The following SMLR1 variants were observed in gnomAD, a reference collection of about 807,000 sequenced individuals.
The protein encoded by SMLR1 is small leucine rich protein 1, also known as small leucine-rich protein 1.
In SMLR1, 3 loss-of-function variants were observed where a neutral mutation model predicts 6.1. The observed-to-expected ratio is 0.49, with a 90% CI of 0.22 to 1.28. The LOEUF is 1.28. SMLR1 is among the 50% of genes most tolerant of loss of function. SMLR1 has a pLI of 0.19. For missense variants in SMLR1, 126 were observed against 124.8 expected (o/e 1.01, Z -0.05); for synonymous variants, 55 against 53.6 (o/e 1.03, Z -0.11).
chr6:130,828,791 A>G (rs747860934), intron 1 of SMLR1, among the ~76,000 whole-genome samples: 7 of 152,098 alleles, frequency 4.6e-5, no homozygotes, highest in Admixed American at 6.6e-5. Context: ...CTCACTCTAT[A>G]ATATTCATGT....
At chr6:130,828,860 T>C (rs891895131) in intron 1 of SMLR1, among the ~76,000 whole-genome samples, 3 of 152,218 alleles carry the variant, frequency 2.0e-5, no homozygotes, top group African/African-American at 2.4e-5. Flanking sequence ...ACCAGTCTGT[T>C]GGATGCTCTT....
intron 1 of SMLR1, among the ~76,000 whole-genome samples, chr6:130,828,868 CTT>C (rs1316451307): frequency 2.0e-5 from 3 of 152,196 alleles, no homozygotes; most frequent in African/African-American, 7.2e-5. Context: ...GTTGGATGCT[CTT>C]GTCACCCAGC....
intron 1 of SMLR1, among the ~76,000 whole-genome samples, chr6:130,828,898 C>A (rs1774358469): frequency 6.6e-6 from 1 of 152,178 alleles, no homozygotes; most frequent in Non-Finnish European, 1.5e-5. Context: ...TACCACTGAA[C>A]CCCGGAAGTA....
At chr6:130,828,483 C>T (rs539457069) in intron 1 of SMLR1, among the ~76,000 whole-genome samples, 1 of 152,296 alleles carries the variant, frequency 6.6e-6, no homozygotes, top group South Asian at 2.1e-4. Context: ...AAAAACCCTC[C>T]TCTTTGAACA....
chr6:130,827,961 T>C (rs1774331219), intron 1 of SMLR1, among the ~76,000 whole-genome samples: 1 of 152,144 alleles, frequency 6.6e-6, no homozygotes, highest in South Asian at 2.1e-4. Context: ...CTCAAGGCAA[T>C]AGAGTCACAT....
In SMLR1 at chr6:130,836,533, T is replaced by G. The variant is rs1774668581; in HGVS notation, c.*1578T>G. 1 of 152,164 alleles carries G rather than the reference T, an allele frequency of 6.6e-6. No individual in the cohort carries two copies. The allele number at this position is 152,164 out of a possible 1,614,324, so 9.4% of individuals were successfully genotyped here. ...GGTGCTGGTCCACCATCTCAGCTATTGTGATAACACATGAGCTCTATATAG... is the reference window on the plus strand; with the variant it reads ...GGTGCTGGTCCACCATCTCAGCTATGGTGATAACACATGAGCTCTATATAG... On this transcript the variant is annotated 3_prime_UTR_variant, in exon 2 of 2. Transcript: ENST00000541421.
intron 1 of SMLR1, among the ~76,000 whole-genome samples, chr6:130,833,857 G>A (rs1279103910): frequency 2.0e-5 from 3 of 152,054 alleles, no homozygotes; most frequent in Non-Finnish European, 4.4e-5. Context: ...GCCTGGTCAG[G>A]GAAAGTGCAT....
At chr6:130,831,804 C>CCTGTCTCATACAGCTGGGT (rs1774458010) in intron 1 of SMLR1, among the ~76,000 whole-genome samples, 1 of 152,170 alleles carries the variant, frequency 6.6e-6, no homozygotes, top group Non-Finnish European at 1.5e-5. Flanking sequence ...AACCAGCTTG[C>CCTGTCTCATACAGCTGGGT]CTGTCTCATA....
chr6:130,833,439 TA>T (rs1774532450), intron 1 of SMLR1, among the ~76,000 whole-genome samples: 1 of 152,182 alleles, frequency 6.6e-6, no homozygotes, highest in African/African-American at 2.4e-5. Context: ...AAAGTACTCA[TA>T]TTTCAGTGAG....
chr6:130,827,694 C>T lies in SMLR1; in HGVS notation c.238+43C>T, dbSNP rs915950476. ...CAAGGAAGAACTTGGGCATCCTTTC[C>T]CACAGCACATCTTGAAATATACCGA... On this transcript the variant is annotated intron_variant, in intron 1 of 1. Transcript: ENST00000541421. 2.2e-6 allele frequency: 3 copies of T among 1,393,880 alleles called. No homozygotes were observed. The African/African-American group carries it at 4.3e-5, about 20-fold the overall frequency. The allele number at this position is 1,393,880 out of a possible 1,614,324, so 86.3% of individuals were successfully genotyped here.
In SMLR1 at chr6:130,827,621, A is replaced by G. The variant is rs1377419546; in HGVS notation, c.208A>G (p.Ile70Val). Residue 70 changes from isoleucine to valine, a missense_variant, in exon 1 of 2, where the codon ATC (isoleucine) becomes GTC (valine). Coordinates refer to ENST00000541421, the MANE Select transcript of SMLR1 (RefSeq NM_001195597.2). ...LPVTLLLLLL[I>V]AYFRIKLIEV... is the part of the protein sequence containing the mutation. Reference sequence around the variant, plus strand: ...CGTGACTTTGCTGCTGCTCCTCCTCATCGCCTACTTCAGGATCAAACTGAT... The same window carrying G: ...CGTGACTTTGCTGCTGCTCCTCCTCGTCGCCTACTTCAGGATCAAACTGAT... 3.3e-6 allele frequency: 5 copies of G among 1,535,918 alleles called. No homozygotes were observed. Among genetic ancestry groups the G allele is most frequent in the Middle Eastern group, 1.7e-4 (1 of 5,988 alleles).
chr6:130,835,005 C>A lies in SMLR1; in HGVS notation c.*50C>A. ...AGCACAATGAGTTTCTACTGGTCAG[C>A]AAGCAATGGCCAACAGTTCAGCTAA... On this transcript the variant is annotated 3_prime_UTR_variant, in exon 2 of 2. Transcript: ENST00000541421. 1 of 1,376,170 alleles carries A rather than the reference C, an allele frequency of 7.3e-7. No homozygotes were observed. Among genetic ancestry groups the A allele is most frequent in the Non-Finnish European group, 1.0e-6 (1 of 1,001,630 alleles). 85.2% of individuals were successfully genotyped at this position (1,376,170 alleles called of 1,614,324 possible). A position where few individuals can be genotyped will look rare whatever the true frequency, so the allele number is the denominator to read the frequency against.
Position 130,835,380 on chromosome 6 carries a change from G to A in SMLR1, c.*425G>A, listed in dbSNP as rs1774621922. The A allele has an allele frequency of 6.2e-6, 1 of 160,654 alleles. No individual in the cohort carries two copies. Among genetic ancestry groups the A allele is most frequent in the African/African-American group, 2.4e-5 (1 of 41,660 alleles). The allele number at this position is 160,654 out of a possible 1,614,324, so 10.0% of individuals were successfully genotyped here. ...AATAGCAAAAGATGAATGCCTTGGA[G>A]AGAGCTCAGTAGATTCCATATGCAA... On this transcript the variant is annotated 3_prime_UTR_variant, in exon 2 of 2. Coordinates refer to ENST00000541421, the MANE Select transcript of SMLR1 (RefSeq NM_001195597.2).
chr6:130,830,861 T>C lies in SMLR1; in HGVS notation c.238+3210T>C, dbSNP rs1490196494. Among the ~76,000 whole-genome samples the C allele has an allele frequency of 2.6e-5, 4 of 152,080 alleles. No homozygotes were observed. The East Asian group carries it at 7.7e-4, about 29-fold the overall frequency. On this transcript the variant is annotated intron_variant, in intron 1 of 1. Transcript: ENST00000541421. ...GGCAATGTCAGGAAGTTACCCTACA[T>C]GGCCTAAAAAGGGGTGGCATAAATA...
chr6:130,836,077 G>C lies in SMLR1; in HGVS notation c.*1122G>C, dbSNP rs367877852. The C allele has an allele frequency of 1.3e-5, 2 of 152,124 alleles. No homozygotes were observed. The highest frequency in any genetic ancestry group is 1.3e-4 in the Admixed American group (2 of 15,264). 9.4% of individuals were successfully genotyped at this position (152,124 alleles called of 1,614,324 possible). On this transcript the variant is annotated 3_prime_UTR_variant, in exon 2 of 2. Transcript: ENST00000541421. The stretch of plus-strand genomic sequence containing the variant: ...AAGCAAAAATATACCATCAGTGCTG[G>C]ATTTTTACTGCTTCTTCCCCTCAGC...
At chr6:130,829,433 A>G (rs558416120) in intron 1 of SMLR1, among the ~76,000 whole-genome samples, 2 of 152,334 alleles carry the variant, frequency 1.3e-5, no homozygotes, top group East Asian at 3.9e-4. Context: ...AATACCCTGG[A>G]AAAGTCAACG....
chr6:130,834,084 AAG>A (rs1774559792), intron 1 of SMLR1, among the ~76,000 whole-genome samples: 1 of 152,196 alleles, frequency 6.6e-6, no homozygotes, highest in Non-Finnish European at 1.5e-5. Context: ...TGGTTTCAGG[AAG>A]AGAGCTGTGT....
intron 1 of SMLR1, among the ~76,000 whole-genome samples, chr6:130,827,959 AAT>A (rs1433264957): frequency 6.6e-6 from 1 of 152,170 alleles, no homozygotes; most frequent in Non-Finnish European, 1.5e-5. Context: ...CTCTCAAGGC[AAT>A]AGAGTCACAT....
chr6:130,831,565 G>A (rs1205992080), intron 1 of SMLR1, among the ~76,000 whole-genome samples: 2 of 152,106 alleles, frequency 1.3e-5, no homozygotes, highest in African/African-American at 4.8e-5. Context: ...TCCAGTTTGA[G>A]GGCAAATGAG....
Sources: gnomAD v4.1 joint callset for allele counts (sites outside exome capture counted in the v4.1 genomes callset) on GRCh38, gnomAD v4.1.1 for gene constraint, MANE v1.5 for transcripts, NCBI Gene and HGNC (gene_info 2026-07-23, HGNC 2026-07-21) for gene names.